SENP8: variants seen among roughly 807,000 people sequenced by gnomAD.
SENP8 encodes the protein SUMO peptidase family member, NEDD8 specific.
SENP8 carries 10 observed loss-of-function variants against 14.4 expected under a neutral mutation model. The ratio of observed to expected loss-of-function variants is 0.69; its 90% confidence interval spans 0.43 to 1.18. The LOEUF is 1.18. Ranked by LOEUF, SENP8 falls within the 50% of genes most tolerant of loss-of-function variation. SENP8 has a pLI of 0.00. For missense variants in SENP8, 202 were observed against 249.4 expected (o/e 0.81, Z 1.28); for synonymous variants, 94 against 95.5 (o/e 0.98, Z 0.09).
rs913459442 is a variant in SENP8, at chr15:72,142,162, G to A, written c.*1900G>A. On this transcript the variant is annotated 3_prime_UTR_variant, in exon 2 of 2. Coordinates refer to ENST00000340912, the MANE Select transcript of SENP8 (RefSeq NM_145204.4). ...TATATAGAAAAATATATATACACAC[G>A]TATAGACATGTATATGTAATCTATC... 2.6e-5 allele frequency: 4 copies of A among 151,724 alleles called. No individual in the cohort carries two copies. The highest frequency in any genetic ancestry group is 3.8e-4 in the East Asian group (2 of 5,198). The allele number at this position is 151,724 out of a possible 1,614,324, so 9.4% of individuals were successfully genotyped here. A position where few individuals can be genotyped will look rare whatever the true frequency, so the allele number is the denominator to read the frequency against.
At chr15:72,129,139 T>C (rs1468479598) in intron 1 of SENP8, among the ~76,000 whole-genome samples, 1 of 152,250 alleles carries the variant, frequency 6.6e-6, no homozygotes, top group Non-Finnish European at 1.5e-5. Flanking sequence ...ATACATATTT[T>C]AATCCCATAA....
rs2081386350 is a variant in SENP8, at chr15:72,142,393, G to A, written c.*2131G>A. On this transcript the variant is annotated 3_prime_UTR_variant, in exon 2 of 2. Coordinates refer to ENST00000340912, the MANE Select transcript of SENP8 (RefSeq NM_145204.4). ...ACCTGCTTGACCACATACCATTCAT[G>A]TTACATGACACAAAATAGGAAAAAA... The A allele has an allele frequency of 6.6e-6, 1 of 152,172 alleles. No individual in the cohort carries two copies. The highest frequency in any genetic ancestry group is 2.1e-4 in the South Asian group (1 of 4,826). 9.4% of individuals were successfully genotyped at this position (152,172 alleles called of 1,614,324 possible).
At chr15:72,127,287 A>T (rs2081230244) in intron 1 of SENP8, among the ~76,000 whole-genome samples, 1 of 152,208 alleles carries the variant, frequency 6.6e-6, no homozygotes, top group African/African-American at 2.4e-5. Context: ...ACTATCACAT[A>T]GTAATCAGTG....
At chr15:72,132,113 T>C (rs1266275629) in intron 1 of SENP8, among the ~76,000 whole-genome samples, 1 of 152,146 alleles carries the variant, frequency 6.6e-6, no homozygotes, top group Admixed American at 6.5e-5. Context: ...AAATAGTAAG[T>C]GGCAAGGTCA....
At chr15:72,132,735 A>C (rs934496860) in intron 1 of SENP8, among the ~76,000 whole-genome samples, 3 of 149,744 alleles carry the variant, frequency 2.0e-5, no homozygotes, top group Non-Finnish European at 4.4e-5. Context: ...GGCTCATTGC[A>C]ACCTCTGCCT....
rs1268390963 is a variant in SENP8, at chr15:72,140,525, AC to A, written c.*264del. 4 of 448,244 alleles carry A rather than the reference AC, an allele frequency of 8.9e-6. No homozygotes were observed. The highest frequency in any genetic ancestry group is 1.2e-5 in the Non-Finnish European group (3 of 242,118). The allele number at this position is 448,244 out of a possible 1,614,324, so 27.8% of individuals were successfully genotyped here. The stretch of plus-strand genomic sequence containing the variant: ...CAACTTATTTGAACATTTATTACAC[AC>A]AGGGTTTACGTAAGACTTTTCTTAT... On this transcript the variant is annotated 3_prime_UTR_variant, in exon 2 of 2. Transcript: ENST00000340912.
intron 1 of SENP8, among the ~76,000 whole-genome samples, chr15:72,129,475 G>A (rs2081250771): frequency 2.0e-5 from 3 of 150,970 alleles, no homozygotes; most frequent in African/African-American, 7.3e-5. Flanking sequence ...CGATTCTCCT[G>A]CCTCAGCCTC....
At chr15:72,116,237 A>G (rs1307386640), upstream of SENP8, among the ~76,000 whole-genome samples, 1 of 152,172 alleles carries the variant, frequency 6.6e-6, no homozygotes, top group Non-Finnish European at 1.5e-5. Context: ...TTTTACGTCT[A>G]GTTATTATCT....
chr15:72,138,510 C>T (rs954614879), intron 1 of SENP8, among the ~76,000 whole-genome samples: 12 of 151,478 alleles, frequency 7.9e-5, no homozygotes, highest in South Asian at 2.1e-4. Flanking sequence ...CCACCACGCC[C>T]GGCTAATTTT....
At chr15:72,133,000 G>A (rs1039497251) in intron 1 of SENP8, among the ~76,000 whole-genome samples, 8 of 152,046 alleles carry the variant, frequency 5.3e-5, no homozygotes, top group Admixed American at 2.6e-4. Context: ...GTGAAACCCC[G>A]TCTCTACTAA....
rs778078887 is a variant in SENP8 at position 72,142,251 on chromosome 15, G to C, written c.*1989G>C. On this transcript the variant is annotated 3_prime_UTR_variant, in exon 2 of 2. Coordinates refer to ENST00000340912, the MANE Select transcript of SENP8 (RefSeq NM_145204.4). ...CCTGATTGGACTGTGCCACAGATTA[G>C]TGTCCTCCTATGAAATTTTGAGTAT... 6.6e-6 allele frequency: 1 copy of C among 152,078 alleles called. No homozygotes were observed. Among genetic ancestry groups the C allele is most frequent in the East Asian group, 1.9e-4 (1 of 5,198 alleles). The allele number at this position is 152,078 out of a possible 1,614,324, so 9.4% of individuals were successfully genotyped here. A position where few individuals can be genotyped will look rare whatever the true frequency, so the allele number is the denominator to read the frequency against.
intron 1 of SENP8, chr15:72,135,016 C>A: frequency 3.0e-6 from 1 of 332,404 alleles, no homozygotes; most frequent in East Asian, 1.0e-4. Flanking sequence ...CTGGGTTCAC[C>A]CTGAAGCACC....
At chr15:72,120,937 C>CT (rs763909656) in intron 1 of SENP8, among the ~76,000 whole-genome samples, 1 of 152,222 alleles carries the variant, frequency 6.6e-6, no homozygotes, top group African/African-American at 2.4e-5. Flanking sequence ...TTTTCCCAGT[C>CT]TAAGTTCACA....
intron 1 of SENP8, among the ~76,000 whole-genome samples, chr15:72,123,830 G>A (rs566507396): frequency 2.0e-5 from 3 of 152,256 alleles, no homozygotes; most frequent in Admixed American, 6.5e-5. Context: ...ATGAGCCACC[G>A]CACCCAGCCT....
intron 1 of SENP8, among the ~76,000 whole-genome samples, chr15:72,129,394 C>T (rs907240674): frequency 2.6e-5 from 4 of 151,362 alleles, no homozygotes; most frequent in Non-Finnish European, 2.9e-5. Flanking sequence ...GACAGTTTCG[C>T]TGTTGTTGCC....
chr15:72,122,968 C>T (rs1041496241), intron 1 of SENP8, among the ~76,000 whole-genome samples: 3 of 152,146 alleles, frequency 2.0e-5, no homozygotes, highest in Admixed American at 6.5e-5. Flanking sequence ...CTTAGGCTTG[C>T]TTTCCCTGAT....
intron 1 of SENP8, among the ~76,000 whole-genome samples, chr15:72,135,994 C>T (rs1334027757): frequency 6.6e-6 from 1 of 152,160 alleles, no homozygotes; most frequent in East Asian, 1.9e-4. Flanking sequence ...GATGCTGTAG[C>T]CAGGGAGCAG....
intron 1 of SENP8, among the ~76,000 whole-genome samples, chr15:72,122,555 C>T (rs1310653591): frequency 6.6e-6 from 1 of 152,138 alleles, no homozygotes; most frequent in Non-Finnish European, 1.5e-5. Context: ...CAAATGAGTC[C>T]TATAAAATTA....
intron 1 of SENP8, among the ~76,000 whole-genome samples, chr15:72,135,915 C>T (rs758429227): frequency 9.2e-5 from 14 of 151,992 alleles, no homozygotes; most frequent in Admixed American, 7.9e-4. Context: ...AGTAGGTCTC[C>T]GGGTTTTTGC....
Sources: allele counts gnomAD v4.1 joint callset (sites outside exome capture counted in the v4.1 genomes callset), GRCh38; gene constraint gnomAD v4.1.1; transcripts MANE v1.5; gene names NCBI Gene and HGNC (gene_info 2026-07-23, HGNC 2026-07-21).